The following CPT1A variants were observed in gnomAD, a reference collection of about 807,000 sequenced individuals.
CPT1A encodes carnitine O-palmitoyltransferase 1, liver isoform.
In CPT1A, 64 loss-of-function variants were observed where a neutral mutation model predicts 100.8. That is an observed-to-expected ratio of 0.63 (90% CI 0.52 to 0.78). The LOEUF is 0.78. CPT1A is among the 30% of genes least tolerant of loss of function. The pLI is 0.00. For synonymous variants in CPT1A, 363 were observed against 396.0 expected, an observed-to-expected ratio of 0.92 and a Z score of 0.99; for missense variants, 802 against 1,034.1, an observed-to-expected ratio of 0.78 and a Z score of 3.08.
intron 9 of CPT1A, among the ~76,000 whole-genome samples, chr11:68,787,391 G>A (rs897063808): frequency 6.7e-6 from 1 of 148,688 alleles, no homozygotes; most frequent in Non-Finnish European, 1.5e-5. Flanking sequence ...CTGAGATCCT[G>A]CCACTGCACT....
chr11:68,771,209 A>C (rs529490444), intron 14 of CPT1A, among the ~76,000 whole-genome samples: 15 of 152,272 alleles, frequency 9.9e-5, no homozygotes, highest in African/African-American at 3.6e-4. Flanking sequence ...CAGGTTTTCT[A>C]CCTTGAGTCA....
chr11:68,810,039 A>G (rs1452118583), intron 3 of CPT1A, among the ~76,000 whole-genome samples: 3 of 152,202 alleles, frequency 2.0e-5, no homozygotes, highest in Non-Finnish European at 4.4e-5. Context: ...TTGGTTGGGC[A>G]TGGTGGCATG....
intron 11 of CPT1A, 27 bp downstream of exon 11, chr11:68,781,744 C>G (rs759842032): frequency 2.5e-6 from 4 of 1,611,738 alleles, no homozygotes; most frequent in Admixed American, 1.7e-5. Context: ...GGGCAAACTC[C>G]TGTCTCTCAG....
At chr11:68,815,003 G>C (rs1440517052) in intron 2 of CPT1A, among the ~76,000 whole-genome samples, 1 of 152,124 alleles carries the variant, frequency 6.6e-6, no homozygotes, top group Admixed American at 6.6e-5. Flanking sequence ...AATCCTATTT[G>C]AACAAGGTGT....
intron 3 of CPT1A, among the ~76,000 whole-genome samples, chr11:68,809,259 A>G (rs1856130734): frequency 6.6e-6 from 1 of 152,136 alleles, no homozygotes; most frequent in South Asian, 2.1e-4. Flanking sequence ...CTTTTAGATA[A>G]TCTACATTTT....
In CPT1A at chr11:68,770,722, C is replaced by T. The variant is rs563813220; in HGVS notation, c.1740+2543G>A. On this transcript the variant is annotated intron_variant, in intron 14 of 18. Coordinates refer to ENST00000265641, the MANE Select transcript of CPT1A (RefSeq NM_001876.4). ...AAACCAGCCTCTCACCGCTGGTGTACGCCACTGTGGGTGACTATTCTTTTC... is the reference window on the plus strand; with the variant it reads ...AAACCAGCCTCTCACCGCTGGTGTATGCCACTGTGGGTGACTATTCTTTTC... Among the ~76,000 whole-genome samples, 4 of 152,308 alleles carry T rather than the reference C, an allele frequency of 2.6e-5. No homozygotes were observed. In the South Asian group the frequency reaches 8.3e-4, roughly 32 times the overall value.
intron 12 of CPT1A, among the ~76,000 whole-genome samples, chr11:68,779,491 T>TAAAAAAAAAAA (rs369619747): frequency 1.2e-5 from 1 of 86,954 alleles, no homozygotes; most frequent in Admixed American, 1.5e-4. Context: ...AACGAATTAT[T>TAAAAAAAAAAA]AAAAAAAAAA....
chr11:68,826,273 C>T (rs776329133), intron 1 of CPT1A, among the ~76,000 whole-genome samples: 2 of 151,694 alleles, frequency 1.3e-5, no homozygotes, highest in Non-Finnish European at 2.9e-5. Context: ...TGGTGAAACC[C>T]TGTCACTACT....
At chr11:68,812,254 C>A (rs866183854) in intron 3 of CPT1A, among the ~76,000 whole-genome samples, 183 bp downstream of exon 3, 6 of 152,150 alleles carry the variant, frequency 3.9e-5, no homozygotes, top group African/African-American at 1.4e-4. Flanking sequence ...CCGCAGGGGA[C>A]CGCAAACTCC....
At chr11:68,812,604 G>A (rs749225840) in intron 2 of CPT1A, 28 bp from the exon 3 acceptor site, 30 of 1,613,300 alleles carry the variant, frequency 1.9e-5, no homozygotes, top group Admixed American at 3.3e-5. Flanking sequence ...GGCCGTGAGC[G>A]GTGTCCTCCC....
At chr11:68,794,752 C>A (rs993962872) in intron 8 of CPT1A, 52 bp downstream of exon 8, 10 of 1,406,370 alleles carry the variant, frequency 7.1e-6, no homozygotes, top group Non-Finnish European at 1.0e-5. Flanking sequence ...GTCAATTATA[C>A]CTCTGTAAAG....
intron 3 of CPT1A, among the ~76,000 whole-genome samples, chr11:68,810,603 G>A (rs763569218): frequency 5.3e-5 from 8 of 152,120 alleles, no homozygotes; most frequent in Non-Finnish European, 1.0e-4. Context: ...CAGACCCTTC[G>A]CAAAAAGAGG....
At chr11:68,814,549 C>T (rs2924687) in intron 2 of CPT1A, among the ~76,000 whole-genome samples, 131,850 of 152,016 alleles carry the variant, frequency 0.87, 59,136 homozygotes, top group Non-Finnish European at 0.98. Flanking sequence ...ACCTCGTGAT[C>T]CACCCGCCTC....
In CPT1A at chr11:68,778,935, G is replaced by A. The variant is rs376623414; in HGVS notation, c.1458+1705C>T. Among the ~76,000 whole-genome samples, 21 of 151,890 alleles carry A rather than the reference G, an allele frequency of 1.4e-4. No individual in the cohort carries two copies. In the South Asian group the frequency reaches 3.1e-3, roughly 23 times the overall value. ...TGAGTAGCTGGGACTACAGGTGCCA[G>A]CCACCACGCCCGGCTAATTTTTGTA... is the stretch of plus-strand genomic sequence containing the variant. On this transcript the variant is annotated intron_variant, in intron 12 of 18. Transcript: ENST00000265641.
intron 12 of CPT1A, among the ~76,000 whole-genome samples, chr11:68,777,706 C>A (rs1021117191): frequency 2.0e-5 from 3 of 152,234 alleles, no homozygotes; most frequent in Non-Finnish European, 2.9e-5. Context: ...CAAGCCTGAT[C>A]TTGTAAATAT....
chr11:68,833,587 T>G (rs1305241919), intron 1 of CPT1A, among the ~76,000 whole-genome samples: 3 of 152,096 alleles, frequency 2.0e-5, no homozygotes, highest in African/African-American at 7.2e-5. Flanking sequence ...TGAAACCCCA[T>G]CTCTACTAAA....
chr11:68,756,245 G>T lies in CPT1A; in HGVS notation c.*1399C>A, dbSNP rs1946692259. 6.6e-6 allele frequency: 1 copy of T among 152,190 alleles called. No homozygotes were observed. Among genetic ancestry groups the T allele is most frequent in the East Asian group, 1.9e-4 (1 of 5,184 alleles). 9.4% of individuals were successfully genotyped at this position (152,190 alleles called of 1,614,324 possible). A position where few individuals can be genotyped will look rare whatever the true frequency, so the allele number is the denominator to read the frequency against. The stretch of plus-strand genomic sequence containing the variant: ...AGTCAGGCCCAACTAGAACCAAGTG[G>T]TCAAAAAAATAAATACACAATTTAA... On this transcript the variant is annotated 3_prime_UTR_variant, in exon 19 of 19. Transcript: ENST00000265641.
chr11:68,771,313 A>G (rs1208346056), intron 14 of CPT1A, among the ~76,000 whole-genome samples: 4 of 152,234 alleles, frequency 2.6e-5, no homozygotes, highest in African/African-American at 9.6e-5. Context: ...TAAACTCCTA[A>G]GTCCTGCGCT....
chr11:68,767,546 TGCTACTGCATTCCAGCCTGGGC>T (rs1209867349), intron 14 of CPT1A, among the ~76,000 whole-genome samples: 2 of 152,188 alleles, frequency 1.3e-5, no homozygotes, highest in African/African-American at 4.8e-5. Context: ...GCCGTGATTG[TGCTACTGCATTCCAGCCTGGGC>T]AAGAGTAAGA....
Sources: gnomAD v4.1 joint callset for allele counts (sites outside exome capture counted in the v4.1 genomes callset) on GRCh38, gnomAD v4.1.1 for gene constraint, MANE v1.5 for transcripts, NCBI Gene and HGNC (gene_info 2026-07-23, HGNC 2026-07-21) for gene names.